Variants in SLC35F4 observed in about 807,000 individuals in gnomAD.
The protein encoded by SLC35F4 is solute carrier family 35 member F4, also known as chromosome 14 open reading frame 36.
A neutral mutation model predicts 44.2 loss-of-function variants in SLC35F4; 24 were observed. That is an observed-to-expected ratio of 0.54 (90% CI 0.39 to 0.76). The LOEUF (loss-of-function observed/expected upper bound fraction) is 0.76, where lower values mean the gene tolerates loss of function less well. Ranked by LOEUF, SLC35F4 falls within the 30% of genes least tolerant of loss-of-function variation. The probability of loss-of-function intolerance (pLI) is 0.00; values close to 1 mark genes in which losing one functional copy is unlikely to be tolerated. For missense variants in SLC35F4, 562 were observed against 586.1 expected (o/e 0.96, Z 0.42); for synonymous variants, 238 against 223.6 (o/e 1.06, Z -0.57).
At chr14:57,564,517 G>A in intron 7 of SLC35F4, 141 bp from the exon 8 acceptor site, 1 of 1,210,474 alleles carries the variant, frequency 8.3e-7, no homozygotes, top group Non-Finnish European at 1.1e-6. Context: ...TTTCCACATT[G>A]CTAGGTTTGC....
chr14:57,966,350 C>A (rs1031314638), intron 1 of SLC35F4, among the ~76,000 whole-genome samples: 2 of 152,190 alleles, frequency 1.3e-5, no homozygotes, highest in African/African-American at 2.4e-5. Flanking sequence ...ATTGGGAATT[C>A]TGTAATATAT....
At chr14:57,771,076 T>C (rs1566838235) in intron 1 of SLC35F4, among the ~76,000 whole-genome samples, 2 of 152,222 alleles carry the variant, frequency 1.3e-5, no homozygotes, top group Non-Finnish European at 2.9e-5. Flanking sequence ...TTTCAGGGCC[T>C]GACTGCTTTT....
intron 1 of SLC35F4, among the ~76,000 whole-genome samples, chr14:57,841,800 A>G (rs906083146): frequency 1.3e-5 from 2 of 152,222 alleles, no homozygotes; most frequent in Non-Finnish European, 2.9e-5. Context: ...CATGATCCTA[A>G]AAACCTGGTA....
intron 1 of SLC35F4, among the ~76,000 whole-genome samples, chr14:57,945,994 G>A (rs1890019415): frequency 6.6e-6 from 1 of 151,950 alleles, no homozygotes; most frequent in South Asian, 2.1e-4. Context: ...TCGATGATTT[G>A]TTTGAGTGCC....
At chr14:57,816,915 T>C (rs1012531401) in intron 1 of SLC35F4, among the ~76,000 whole-genome samples, 2 of 152,198 alleles carry the variant, frequency 1.3e-5, no homozygotes, top group Admixed American at 6.5e-5. Flanking sequence ...TTTTATTCTT[T>C]TGAAACTCTC....
chr14:57,898,683 C>A (rs7158797), intron 1 of SLC35F4, among the ~76,000 whole-genome samples: 18,388 of 152,222 alleles, frequency 0.12, 1,360 homozygotes, highest in East Asian at 0.4. Flanking sequence ...TATTAAAGGA[C>A]AGAGAAATGA....
At chr14:57,784,522 A>T (rs2077709500) in intron 1 of SLC35F4, among the ~76,000 whole-genome samples, 1 of 152,052 alleles carries the variant, frequency 6.6e-6, no homozygotes, top group African/African-American at 2.4e-5. Flanking sequence ...TGTCTCTATA[A>T]AAAAAATTTT....
chr14:57,945,569 T>C (rs1408443648), intron 1 of SLC35F4, among the ~76,000 whole-genome samples: 1 of 151,624 alleles, frequency 6.6e-6, no homozygotes, highest in African/African-American at 2.4e-5. Context: ...CAAATTGTGC[T>C]GCCCTATAAA....
At chr14:57,717,577 A>C (rs2075976123) in intron 1 of SLC35F4, among the ~76,000 whole-genome samples, 1 of 152,212 alleles carries the variant, frequency 6.6e-6, no homozygotes, top group Non-Finnish European at 1.5e-5. Flanking sequence ...CGGAGCTTGC[A>C]GTGAGCCGAG....
chr14:57,804,459 T>C (rs1225648361), intron 1 of SLC35F4, among the ~76,000 whole-genome samples: 1 of 152,008 alleles, frequency 6.6e-6, no homozygotes, highest in African/African-American at 2.4e-5. Context: ...AACTCAGAAA[T>C]AAGACCGCAC....
chr14:57,624,917 C>T (rs139420497), intron 1 of SLC35F4, among the ~76,000 whole-genome samples: 24,236 of 152,074 alleles, frequency 0.16, 1,985 homozygotes, highest in East Asian at 0.21. Flanking sequence ...CCCTCTCTCA[C>T]CACTCCTATT....
chr14:57,929,850 C>G (rs1032080657), intron 1 of SLC35F4, among the ~76,000 whole-genome samples: 1 of 152,194 alleles, frequency 6.6e-6, no homozygotes, highest in African/African-American at 2.4e-5. Flanking sequence ...CAACACGCAT[C>G]TAGACCCTGA....
rs894898457 is a variant in SLC35F4, at chr14:57,782,046, G to A, written c.103+83677C>T. On this transcript the variant is annotated intron_variant, in intron 1 of 7. Coordinates refer to ENST00000556826, the MANE Select transcript of SLC35F4 (RefSeq NM_001306087.2). ...TTACCTATATAACAAACCTGCACATGTACCCCTGAACCTAAAAGTTTTTTA... is the reference window on the plus strand; with the variant it reads ...TTACCTATATAACAAACCTGCACATATACCCCTGAACCTAAAAGTTTTTTA... Among the ~76,000 whole-genome samples, 4 of 152,248 alleles carry A rather than the reference G, an allele frequency of 2.6e-5. No individual in the cohort carries two copies. The East Asian group carries it at 7.7e-4, about 29-fold the overall frequency.
intron 1 of SLC35F4, among the ~76,000 whole-genome samples, chr14:57,896,564 G>A (rs116752315): frequency 3.9e-5 from 6 of 152,104 alleles, no homozygotes; most frequent in Admixed American, 3.9e-4. Context: ...TAAAATGTGG[G>A]CTCTTTATTG....
intron 1 of SLC35F4, among the ~76,000 whole-genome samples, chr14:57,731,930 T>G (rs2140475399): frequency 6.6e-6 from 1 of 152,302 alleles, no homozygotes; most frequent in Non-Finnish European, 1.5e-5. Context: ...CCAGCATTAT[T>G]GTGGGGGTTA....
intron 1 of SLC35F4, among the ~76,000 whole-genome samples, chr14:57,978,905 T>C (rs1421950807): frequency 1.3e-5 from 2 of 152,192 alleles, no homozygotes; most frequent in Non-Finnish European, 2.9e-5. Flanking sequence ...GATACTGTAT[T>C]GGTGGAAGTG....
At chr14:57,785,742 G>C (rs547968895) in intron 1 of SLC35F4, among the ~76,000 whole-genome samples, 3 of 152,324 alleles carry the variant, frequency 2.0e-5, no homozygotes, top group Admixed American at 6.5e-5. Flanking sequence ...TACTGGGGAA[G>C]AGGAAGCAGC....
chr14:57,921,873 T>C (rs931231733), intron 1 of SLC35F4, among the ~76,000 whole-genome samples: 1 of 152,230 alleles, frequency 6.6e-6, no homozygotes, highest in Non-Finnish European at 1.5e-5. Context: ...ATTTCAATGT[T>C]ATTTCAACAA....
intron 2 of SLC35F4, 120 bp from the exon 3 acceptor site, chr14:57,589,633 T>C: frequency 9.1e-7 from 1 of 1,093,328 alleles, no homozygotes. Flanking sequence ...ATTACCAGTG[T>C]TTTTCTTTTC....
Sources: gnomAD v4.1 joint callset for allele counts (sites outside exome capture counted in the v4.1 genomes callset) on GRCh38, gnomAD v4.1.1 for gene constraint, MANE v1.5 for transcripts, NCBI Gene and HGNC (gene_info 2026-07-23, HGNC 2026-07-21) for gene names.